Variants in RBFOX3 observed in about 807,000 individuals in gnomAD.
RBFOX3 encodes the protein RNA binding fox-1 homolog 3, also known as RNA binding protein fox-1 homolog 3.
In RBFOX3, 17 loss-of-function variants were observed where a neutral mutation model predicts 48.7. The observed-to-expected ratio is 0.35, with a 90% CI of 0.24 to 0.52. The LOEUF (loss-of-function observed/expected upper bound fraction) is 0.52, where lower values mean the gene tolerates loss of function less well. Among genes scored for constraint, RBFOX3 ranks in the 20% least tolerant of loss-of-function variants. RBFOX3 has a pLI of 0.94. For synonymous variants in RBFOX3, 212 were observed against 209.5 expected (o/e 1.01, Z -0.10); for missense variants, 382 against 497.5 (o/e 0.77, Z 2.21).
At chr17:79,136,599 G>A (rs1401916255) in intron 4 of RBFOX3, among the ~76,000 whole-genome samples, 5 of 152,162 alleles carry the variant, frequency 3.3e-5, no homozygotes, top group East Asian at 3.9e-4. Flanking sequence ...TGGGTCTCTC[G>A]CCCAAGCTCT....
At chr17:79,653,475 T>G in the RBFOX3 span, among the ~76,000 whole-genome samples, 1 of 152,232 alleles carries the variant, frequency 6.6e-6, no homozygotes, top group African/African-American at 2.4e-5. Flanking sequence ...ATCATTGTTA[T>G]AGTAAGAAAA....
intron 4 of RBFOX3, among the ~76,000 whole-genome samples, chr17:79,159,883 G>T (rs1433629475): frequency 1.3e-5 from 2 of 152,224 alleles, no homozygotes; most frequent in African/African-American, 4.8e-5. Flanking sequence ...CTGCAAAACG[G>T]CTCAGAGGCT....
intron 1 of RBFOX3, among the ~76,000 whole-genome samples, chr17:79,592,377 C>T (rs1458679527): frequency 6.6e-6 from 1 of 150,746 alleles, no homozygotes; most frequent in Non-Finnish European, 1.5e-5. Flanking sequence ...GTGGTGTGTG[C>T]AGTGTGTGAT....
intron 1 of RBFOX3, among the ~76,000 whole-genome samples, chr17:79,572,154 G>A (rs1371170978): frequency 6.6e-6 from 1 of 152,118 alleles, no homozygotes; most frequent in East Asian, 1.9e-4. Context: ...AGGGCAGTGG[G>A]GACTGGGCTG....
the RBFOX3 span, among the ~76,000 whole-genome samples, chr17:79,619,591 G>A: frequency 6.6e-6 from 1 of 152,152 alleles, no homozygotes; most frequent in Non-Finnish European, 1.5e-5. Context: ...TACCTGCAAA[G>A]GTACTGTGTC....
intron 2 of RBFOX3, among the ~76,000 whole-genome samples, chr17:79,449,295 G>A (rs2072996627): frequency 6.6e-6 from 1 of 152,002 alleles, no homozygotes; most frequent in African/African-American, 2.4e-5. Flanking sequence ...CTTGCTTCCT[G>A]TGCTAACCCC....
At chr17:79,293,882 G>T (rs770449746) in intron 3 of RBFOX3, among the ~76,000 whole-genome samples, 1 of 152,180 alleles carries the variant, frequency 6.6e-6, no homozygotes, top group Non-Finnish European at 1.5e-5. Flanking sequence ...GAGGCTGTCA[G>T]GGACTCATTC....
At chr17:79,425,192 G>T (rs1598634475) in intron 2 of RBFOX3, among the ~76,000 whole-genome samples, 1 of 152,230 alleles carries the variant, frequency 6.6e-6, no homozygotes, top group East Asian at 1.9e-4. Context: ...TTCTGCCCAG[G>T]CCACCGCACC....
intron 4 of RBFOX3, among the ~76,000 whole-genome samples, chr17:79,174,398 TCA>T (rs1051491041): frequency 1.3e-5 from 2 of 149,310 alleles, no homozygotes; most frequent in African/African-American, 5.0e-5. Flanking sequence ...CAATGTACTC[TCA>T]CACTCAGACA....
chr17:79,120,515 G>A (rs530143614), intron 4 of RBFOX3, among the ~76,000 whole-genome samples: 2 of 150,854 alleles, frequency 1.3e-5, no homozygotes, highest in South Asian at 2.1e-4. Flanking sequence ...GAATGAGAGG[G>A]CAGATGGATG....
At chr17:79,621,764 G>C in the RBFOX3 span, among the ~76,000 whole-genome samples, 8 of 152,226 alleles carry the variant, frequency 5.3e-5, no homozygotes, top group Non-Finnish European at 1.2e-4. Flanking sequence ...GAAGCTTGCT[G>C]CTAGCACTGC....
chr17:79,467,846 G>A (rs951676040), intron 2 of RBFOX3, among the ~76,000 whole-genome samples: 9 of 152,098 alleles, frequency 5.9e-5, no homozygotes, highest in African/African-American at 1.2e-4. Flanking sequence ...CAAGGCCTCC[G>A]GGAAGTTGGC....
Position 79,199,881 on chromosome 17 carries a change from C to T in RBFOX3, c.-34+35885G>A, listed in dbSNP as rs1452818782. On this transcript the variant is annotated intron_variant, in intron 4 of 14. Coordinates refer to ENST00000693108, the MANE Select transcript of RBFOX3 (RefSeq NM_001350451.2). This position sits in a 1 kb window ranked among gnomAD's most constrained non-coding sequence, Gnocchi z 5.1. ...TATCTATAAAATGGGGAGAAAAGGG[C>T]CGGACGTGGTGGCTCACGCCTGTAA... Among the ~76,000 whole-genome samples the T allele has an allele frequency of 6.6e-6, 1 of 152,194 alleles. No individual in the cohort carries two copies. Among genetic ancestry groups the T allele is most frequent in the Admixed American group, 6.5e-5 (1 of 15,276 alleles).
intron 2 of RBFOX3, among the ~76,000 whole-genome samples, chr17:79,358,969 C>T (rs2085767334): frequency 6.6e-6 from 1 of 152,242 alleles, no homozygotes; most frequent in African/African-American, 2.4e-5. Flanking sequence ...GAGCAGACAC[C>T]ACGAGTGGCA....
At chr17:79,177,887 G>A (rs906861375) in intron 4 of RBFOX3, among the ~76,000 whole-genome samples, 1 of 152,120 alleles carries the variant, frequency 6.6e-6, no homozygotes, top group African/African-American at 2.4e-5. Context: ...CCCTGGCCCC[G>A]GCCCTCTCCA....
intron 3 of RBFOX3, among the ~76,000 whole-genome samples, chr17:79,250,354 C>A (rs757201798): frequency 2.0e-5 from 3 of 152,194 alleles, no homozygotes; most frequent in East Asian, 1.9e-4. Flanking sequence ...GGGTTCTGTT[C>A]ATGCAGAAGG....
intron 1 of RBFOX3, among the ~76,000 whole-genome samples, chr17:79,496,665 C>A (rs1568345122): frequency 6.6e-6 from 1 of 152,126 alleles, no homozygotes; most frequent in East Asian, 1.9e-4. Flanking sequence ...GGGTTTGAGG[C>A]CACAACAGCA....
chr17:79,648,536 T>C, the RBFOX3 span, among the ~76,000 whole-genome samples: 72,607 of 152,116 alleles, frequency 0.48, 20,866 homozygotes, highest in Non-Finnish European at 0.63. Context: ...CAGCAAGCCC[T>C]GCAAACAGCA....
At chr17:79,646,281 T>C in the RBFOX3 span, among the ~76,000 whole-genome samples, 2 of 152,138 alleles carry the variant, frequency 1.3e-5, no homozygotes, top group South Asian at 2.1e-4. Context: ...CAGAAACAGA[T>C]GGTACAATGG....
Sources: gnomAD v4.1 joint callset for allele counts (sites outside exome capture counted in the v4.1 genomes callset) on GRCh38, gnomAD v4.1.1 for gene constraint, Gnocchi (gnomAD v3.1) non-coding constraint, MANE v1.5 for transcripts, NCBI Gene and HGNC (gene_info 2026-07-23, HGNC 2026-07-21) for gene names.